Variants in EXOC6B observed in about 807,000 individuals in gnomAD.
EXOC6B encodes the protein exocyst complex component 6B, also known as SEC15 homolog B.
EXOC6B carries 54 observed loss-of-function variants against 113.5 expected under a neutral mutation model. The ratio of observed to expected loss-of-function variants is 0.48; its 90% confidence interval spans 0.38 to 0.60. The LOEUF (loss-of-function observed/expected upper bound fraction) is 0.60. Ranked by LOEUF, EXOC6B falls within the 20% of genes least tolerant of loss-of-function variation. The pLI, the probability that EXOC6B is intolerant of heterozygous loss-of-function variation, is 0.00. For synonymous variants in EXOC6B, 357 were observed against 339.0 expected, an observed-to-expected ratio of 1.05 and a Z score of -0.58; for missense variants, 797 against 977.5, an observed-to-expected ratio of 0.82 and a Z score of 2.46.
intron 11 of EXOC6B, among the ~76,000 whole-genome samples, chr2:72,509,529 G>A (rs1286368998): frequency 6.6e-6 from 1 of 151,996 alleles, no homozygotes; most frequent in Non-Finnish European, 1.5e-5. Flanking sequence ...TTGTAATGAA[G>A]AACACATAAA....
At chr2:72,498,145 A>T (rs956745255) in intron 13 of EXOC6B, among the ~76,000 whole-genome samples, 8 of 152,196 alleles carry the variant, frequency 5.3e-5, no homozygotes, top group African/African-American at 1.9e-4. Context: ...GAATAAGATG[A>T]CACCAAGATG....
chr2:72,791,429 C>T (rs1279016731), intron 1 of EXOC6B, among the ~76,000 whole-genome samples: 2 of 152,054 alleles, frequency 1.3e-5, no homozygotes, highest in Non-Finnish European at 2.9e-5. Context: ...TCCTGTAGTC[C>T]CAGCTATTCA....
intron 3 of EXOC6B, among the ~76,000 whole-genome samples, chr2:72,732,140 A>G (rs895979338): frequency 2.0e-5 from 3 of 152,082 alleles, no homozygotes; most frequent in Non-Finnish European, 4.4e-5. Context: ...AATAGAATCA[A>G]TGATTTTTTT....
intron 17 of EXOC6B, among the ~76,000 whole-genome samples, chr2:72,466,854 G>T (rs928445880): frequency 6.6e-6 from 1 of 152,062 alleles, no homozygotes; most frequent in African/African-American, 2.4e-5. Context: ...TATGAGGTAG[G>T]AATACTTAAA....
At chr2:72,464,736 CAG>C (rs768820350) in intron 18 of EXOC6B, 1 of 167,310 alleles carries the variant, frequency 6.0e-6, no homozygotes, top group East Asian at 1.7e-4. Context: ...CTTAAGAAAA[CAG>C]AGAAAACATA....
At chr2:72,538,570 C>T (rs1241738090) in intron 8 of EXOC6B, among the ~76,000 whole-genome samples, 1 of 152,056 alleles carries the variant, frequency 6.6e-6, no homozygotes, top group Non-Finnish European at 1.5e-5. Context: ...CATCTTGATT[C>T]AGAATATTCA....
rs141957314 is a variant in EXOC6B at position 72,250,708 on chromosome 2, A to G, written c.2197-66521T>C. Among the ~76,000 whole-genome samples, 12 of 152,112 alleles carry G rather than the reference A, an allele frequency of 7.9e-5. 1 individual carries two copies. The East Asian group carries it at 1.5e-3, about 20-fold the overall frequency. On this transcript the variant is annotated intron_variant, in intron 20 of 21. Coordinates refer to ENST00000272427, the MANE Select transcript of EXOC6B (RefSeq NM_015189.3). The stretch of plus-strand genomic sequence containing the variant: ...AAGCAATAAATTTACTTGATTTGAA[A>G]TCTATTATGATTTTTTGGAAAATTT...
At chr2:72,495,637 T>C in intron 14 of EXOC6B, 98 bp from the exon 15 acceptor site, 1 of 694,688 alleles carries the variant, frequency 1.4e-6, no homozygotes, top group Non-Finnish European at 2.5e-6. Context: ...TCTTTCACAT[T>C]GTGAATTGTC....
chr2:72,782,319 C>A (rs146103511), intron 1 of EXOC6B, among the ~76,000 whole-genome samples: 3 of 152,110 alleles, frequency 2.0e-5, no homozygotes, highest in Non-Finnish European at 4.4e-5. Context: ...TCAAATATCA[C>A]CATCTCCAAG....
intron 20 of EXOC6B, 91 bp downstream of exon 20, chr2:72,334,856 A>T: frequency 8.4e-7 from 1 of 1,184,118 alleles, no homozygotes; most frequent in Non-Finnish European, 1.3e-6. Context: ...GCCAACGCCA[A>T]TCCCCCTCCC....
intron 6 of EXOC6B, among the ~76,000 whole-genome samples, chr2:72,604,226 T>C (rs1279502043): frequency 6.6e-6 from 1 of 152,128 alleles, no homozygotes; most frequent in Non-Finnish European, 1.5e-5. Context: ...ATCTCATACA[T>C]GCCTAGAGAC....
chr2:72,556,993 C>G (rs985240908), intron 8 of EXOC6B, among the ~76,000 whole-genome samples: 18 of 150,828 alleles, frequency 1.2e-4, no homozygotes, highest in Admixed American at 7.9e-4. Flanking sequence ...AAAAAATGAA[C>G]AAAGGTTAAA....
intron 17 of EXOC6B, among the ~76,000 whole-genome samples, chr2:72,472,719 ATAT>A (rs1343848885): frequency 1.3e-5 from 2 of 150,782 alleles, no homozygotes; most frequent in African/African-American, 4.9e-5. Flanking sequence ...TTTCCTTCTG[ATAT>A]TGTGGATTTG....
At chr2:72,320,054 C>G (rs1268239677) in intron 20 of EXOC6B, among the ~76,000 whole-genome samples, 2 of 151,924 alleles carry the variant, frequency 1.3e-5, no homozygotes, top group Non-Finnish European at 2.9e-5. Context: ...CCAGGATGGT[C>G]TCGATCTCCT....
intron 18 of EXOC6B, among the ~76,000 whole-genome samples, chr2:72,451,196 G>A (rs557623641): frequency 1.3e-4 from 20 of 152,148 alleles, no homozygotes; most frequent in African/African-American, 3.6e-4. Flanking sequence ...GATGGAATGC[G>A]TGCTCACAAC....
chr2:72,179,332 C>G lies in EXOC6B; in HGVS notation c.*3G>C. 6.2e-7 allele frequency: 1 copy of G among 1,603,228 alleles called. No individual in the cohort carries two copies. The highest frequency in any genetic ancestry group is 8.5e-7 in the Non-Finnish European group (1 of 1,174,248). On this transcript the variant is annotated 3_prime_UTR_variant, in exon 22 of 22. Coordinates refer to ENST00000272427, the MANE Select transcript of EXOC6B (RefSeq NM_015189.3). ...GTCGCCTCTGTGGGTCCGGGGTCAC[C>G]CTTCATGAGTGGTGGCTGCTGATGA...
chr2:72,809,903 C>T (rs1233359278), intron 1 of EXOC6B, among the ~76,000 whole-genome samples: 1 of 152,080 alleles, frequency 6.6e-6, no homozygotes, highest in African/African-American at 2.4e-5. Context: ...GAGATTTACT[C>T]AATATTTATA....
intron 6 of EXOC6B, among the ~76,000 whole-genome samples, chr2:72,588,497 TA>T (rs1401336783): frequency 6.6e-6 from 1 of 151,754 alleles, no homozygotes; most frequent in Non-Finnish European, 1.5e-5. Flanking sequence ...AAATAGAAAG[TA>T]GAATGGTGGT....
At chr2:72,245,401 G>C (rs1682587168) in intron 20 of EXOC6B, among the ~76,000 whole-genome samples, 2 of 145,030 alleles carry the variant, frequency 1.4e-5, no homozygotes, top group African/African-American at 5.6e-5. Flanking sequence ...TTCAGCAAAA[G>C]TTCCTGGAAC....
Sources: gnomAD v4.1 joint callset for allele counts (sites outside exome capture counted in the v4.1 genomes callset) on GRCh38, gnomAD v4.1.1 for gene constraint, MANE v1.5 for transcripts, NCBI Gene and HGNC (gene_info 2026-07-23, HGNC 2026-07-21) for gene names.